PIK3R1: variants seen among roughly 807,000 people sequenced by gnomAD.
PIK3R1 encodes phosphatidylinositol 3-kinase regulatory subunit alpha.
PIK3R1 carries 29 observed loss-of-function variants against 98.0 expected under a neutral mutation model. That is an observed-to-expected ratio of 0.30 (90% CI 0.22 to 0.40). The LOEUF is 0.40. Ranked by LOEUF, PIK3R1 falls within the 10% of genes least tolerant of loss-of-function variation. The pLI is 1.00. For missense variants in PIK3R1, 596 were observed against 872.7 expected (o/e 0.68, Z 3.99); for synonymous variants, 282 against 311.8 (o/e 0.90, Z 1.01).
intron 2 of PIK3R1, among the ~76,000 whole-genome samples, chr5:68,258,999 A>G (rs911087363): frequency 6.6e-6 from 1 of 152,108 alleles, no homozygotes; most frequent in Admixed American, 6.5e-5. Context: ...TTTTTTCTTT[A>G]TACTTAGCTG....
Position 68,275,521 on chromosome 5 carries a change from A to T in PIK3R1, c.502+1508A>T, listed in dbSNP as rs368216329. On this transcript the variant is annotated intron_variant, in intron 4 of 15. Coordinates refer to ENST00000521381, the MANE Select transcript of PIK3R1 (RefSeq NM_181523.3). ...ACAAAATGATGCAGTTTAGTTATTTAAAAAAAAAAAAAAACTCTTCACACC... is the reference window on the plus strand; with the variant it reads ...ACAAAATGATGCAGTTTAGTTATTTTAAAAAAAAAAAAAACTCTTCACACC... Among the ~76,000 whole-genome samples, 8 of 70,978 alleles carry T rather than the reference A, an allele frequency of 1.1e-4. No individual in the cohort carries two copies. In the South Asian group the frequency reaches 2.1e-3, roughly 18 times the overall value. 46.6% of individuals were successfully genotyped at this position (70,978 alleles called of 152,430 possible).
chr5:68,293,673 ATACCT>A, intron 10 of PIK3R1, 31 bp from the exon 11 acceptor site: 1 of 1,329,056 alleles, frequency 7.5e-7, no homozygotes, highest in Non-Finnish European at 1.1e-6. Context: ...ATTTGATTAA[ATACCT>A]TATCCATTGA....
At chr5:68,277,196 A>G (rs915875078) in intron 4 of PIK3R1, among the ~76,000 whole-genome samples, 11 of 152,254 alleles carry the variant, frequency 7.2e-5, no homozygotes, top group African/African-American at 2.7e-4. Context: ...GGCAAAGTGT[A>G]TGGGAAACCA....
At chr5:68,228,235 C>G (rs1744353586) in intron 2 of PIK3R1, among the ~76,000 whole-genome samples, 1 of 152,114 alleles carries the variant, frequency 6.6e-6, no homozygotes, top group African/African-American at 2.4e-5. Flanking sequence ...TTGCCTTATT[C>G]TAACACAAGT....
chr5:68,231,218 C>T lies in PIK3R1; in HGVS notation c.334+4209C>T, dbSNP rs571255527. Among the ~76,000 whole-genome samples the T allele has an allele frequency of 6.4e-4, 98 of 152,270 alleles. 2 individuals are homozygous for T. Among genetic ancestry groups the T allele is most frequent in the South Asian group, 3.9e-3 (19 of 4,830 alleles). On this transcript the variant is annotated intron_variant, in intron 2 of 15. Coordinates refer to ENST00000521381, the MANE Select transcript of PIK3R1 (RefSeq NM_181523.3). Reference sequence around the variant, plus strand: ...GTCATGCTAATGCAGAATATTTAGACGGGTGAGAGTCTGTGCCCATGTTAG... The same window carrying T: ...GTCATGCTAATGCAGAATATTTAGATGGGTGAGAGTCTGTGCCCATGTTAG...
chr5:68,249,869 A>G (rs1745237865), intron 2 of PIK3R1, among the ~76,000 whole-genome samples: 1 of 152,218 alleles, frequency 6.6e-6, no homozygotes, highest in Non-Finnish European at 1.5e-5. Context: ...CAAATGAATA[A>G]CTGGATGAAT....
intron 15 of PIK3R1, among the ~76,000 whole-genome samples, chr5:68,296,758 AAAG>A (rs774749516): frequency 6.6e-6 from 1 of 152,214 alleles, no homozygotes; most frequent in Non-Finnish European, 1.5e-5. Flanking sequence ...GTGAAAAAAA[AAAG>A]GATTCTGATC....
intron 1 of PIK3R1, among the ~76,000 whole-genome samples, chr5:68,224,076 A>G (rs1348681064): frequency 6.6e-6 from 1 of 152,204 alleles, no homozygotes; most frequent in Admixed American, 6.5e-5. Context: ...AAAGACATAC[A>G]TTGCCAGGAA....
intron 12 of PIK3R1, 79 bp from the exon 13 acceptor site, chr5:68,295,069 A>T: frequency 8.3e-7 from 1 of 1,205,528 alleles, no homozygotes; most frequent in East Asian, 2.6e-5. Context: ...CTGGGAAACC[A>T]TAGTGAAACT....
intron 2 of PIK3R1, among the ~76,000 whole-genome samples, chr5:68,254,406 AC>A (rs1432017118): frequency 6.6e-6 from 1 of 152,216 alleles, no homozygotes; most frequent in East Asian, 1.9e-4. Flanking sequence ...TACTCTTCCA[AC>A]AAATAAAAAA....
intron 2 of PIK3R1, among the ~76,000 whole-genome samples, chr5:68,249,531 T>C (rs1745220863): frequency 6.6e-6 from 1 of 152,202 alleles, no homozygotes; most frequent in South Asian, 2.1e-4. Flanking sequence ...TTTAAATTGT[T>C]TCTTTTTTAA....
At chr5:68,279,796 A>G (rs1209990980) in intron 5 of PIK3R1, 63 bp downstream of exon 5, 7 of 1,492,648 alleles carry the variant, frequency 4.7e-6, no homozygotes, top group East Asian at 2.3e-5. Context: ...GTGCTTGTAT[A>G]TGTCTTGCAT....
intron 11 of PIK3R1, among the ~76,000 whole-genome samples, chr5:68,294,088 G>T (rs1380708843): frequency 6.6e-6 from 1 of 152,194 alleles, no homozygotes; most frequent in Non-Finnish European, 1.5e-5. Context: ...TTTAATTCGT[G>T]ATAGAAGGAT....
At chr5:68,225,913 C>T (rs938898805) in intron 1 of PIK3R1, among the ~76,000 whole-genome samples, 1 of 152,230 alleles carries the variant, frequency 6.6e-6, no homozygotes, top group African/African-American at 2.4e-5. Context: ...TCCGACCACA[C>T]ATGCCATTCT....
intron 2 of PIK3R1, among the ~76,000 whole-genome samples, chr5:68,241,377 C>T (rs1744866610): frequency 1.4e-5 from 1 of 69,546 alleles, no homozygotes; most frequent in South Asian, 6.2e-4. Flanking sequence ...GTGGTGGTTA[C>T]AATTTTTTTT....
chr5:68,266,278 A>T (rs1001014048), intron 2 of PIK3R1, among the ~76,000 whole-genome samples: 3 of 152,194 alleles, frequency 2.0e-5, no homozygotes, highest in Non-Finnish European at 4.4e-5. Context: ...ATGACATTTT[A>T]TAAGTTTGAC....
intron 2 of PIK3R1, among the ~76,000 whole-genome samples, chr5:68,246,773 GC>G (rs1745110783): frequency 6.6e-6 from 1 of 152,202 alleles, no homozygotes; most frequent in South Asian, 2.1e-4. Context: ...GCAGGCGCCT[GC>G]CACCACGTTG....
At chr5:68,293,226 AG>A in intron 9 of PIK3R1, 27 bp downstream of exon 9, 1 of 1,602,340 alleles carries the variant, frequency 6.2e-7, no homozygotes, top group Non-Finnish European at 8.5e-7. Flanking sequence ...AGCTGAAATT[AG>A]GGTTTTGGGC....
At chr5:68,281,147 A>G in intron 7 of PIK3R1, 141 bp downstream of exon 7, 1 of 601,760 alleles carries the variant, frequency 1.7e-6, no homozygotes, top group South Asian at 2.2e-5. Context: ...TGTGATTTAA[A>G]GAAAAAATAG....
Sources: gnomAD v4.1 joint callset for allele counts (sites outside exome capture counted in the v4.1 genomes callset) on GRCh38, gnomAD v4.1.1 for gene constraint, MANE v1.5 for transcripts, NCBI Gene and HGNC (gene_info 2026-07-23, HGNC 2026-07-21) for gene names.